The following CNTNAP2 variants were observed in gnomAD, a reference collection of about 807,000 sequenced individuals.
The protein encoded by CNTNAP2 is contactin-associated protein-like 2.
CNTNAP2 carries 98 observed loss-of-function variants against 155.2 expected under a neutral mutation model. The observed-to-expected ratio is 0.63, with a 90% CI of 0.54 to 0.75. The LOEUF is 0.75. Among genes scored for constraint, CNTNAP2 ranks in the 30% least tolerant of loss-of-function variants. The pLI is 0.00. For missense variants in CNTNAP2, 1,727 were observed against 1,688.1 expected, an observed-to-expected ratio of 1.02 and a Z score of -0.40; for synonymous variants, 651 against 631.2, an observed-to-expected ratio of 1.03 and a Z score of -0.47.
intron 9 of CNTNAP2, among the ~76,000 whole-genome samples, chr7:147,390,201 A>G (rs1439299512): frequency 6.6e-6 from 1 of 152,204 alleles, no homozygotes; most frequent in Non-Finnish European, 1.5e-5. Flanking sequence ...GACTAAGGGA[A>G]CTGTCAATAT....
At chr7:146,584,637 A>G (rs1378513624) in intron 1 of CNTNAP2, among the ~76,000 whole-genome samples, 1 of 152,124 alleles carries the variant, frequency 6.6e-6, no homozygotes, top group East Asian at 1.9e-4. Context: ...CATTATTTCC[A>G]TAAGCTCTCT....
chr7:148,187,147 C>CACACACACAA (rs1197880658), intron 18 of CNTNAP2, among the ~76,000 whole-genome samples: 1,084 of 67,184 alleles, frequency 0.016, 58 homozygotes, highest in Non-Finnish European at 0.024. Flanking sequence ...CACACACACA[C>CACACACACAA]AAACAGAGCC....
intron 9 of CNTNAP2, among the ~76,000 whole-genome samples, chr7:147,389,561 C>A (rs1796675290): frequency 6.6e-6 from 1 of 152,076 alleles, no homozygotes; most frequent in African/African-American, 2.4e-5. Flanking sequence ...TCTTTGTCAG[C>A]AAGAATAGCA....
intron 10 of CNTNAP2, among the ~76,000 whole-genome samples, chr7:147,456,461 T>C (rs955644778): frequency 1.3e-5 from 2 of 152,180 alleles, no homozygotes; most frequent in Non-Finnish European, 2.9e-5. Context: ...GAAGATATTA[T>C]GAAGGTGAGC....
chr7:147,907,140 T>G (rs965226885), intron 14 of CNTNAP2, among the ~76,000 whole-genome samples: 3 of 152,050 alleles, frequency 2.0e-5, no homozygotes, highest in Non-Finnish European at 4.4e-5. Context: ...CACTGCAAGC[T>G]CTGCCTCCCG....
At chr7:147,061,597 A>G (rs1799676101) in intron 4 of CNTNAP2, among the ~76,000 whole-genome samples, 1 of 152,168 alleles carries the variant, frequency 6.6e-6, no homozygotes. Context: ...CCCAGAGACT[A>G]GTTGTGATAC....
chr7:148,153,181 C>T (rs1805336613), intron 17 of CNTNAP2, among the ~76,000 whole-genome samples: 1 of 150,132 alleles, frequency 6.7e-6, no homozygotes, highest in Non-Finnish European at 1.5e-5. Context: ...GCTGTGTGAT[C>T]TTTGCAAAGG....
intron 3 of CNTNAP2, among the ~76,000 whole-genome samples, chr7:147,022,178 A>G (rs1798829069): frequency 6.6e-6 from 1 of 152,156 alleles, no homozygotes; most frequent in African/African-American, 2.4e-5. Flanking sequence ...ACAAAGTGAG[A>G]TAAAGCTTCC....
At chr7:148,256,485 C>T (rs897179360) in intron 20 of CNTNAP2, among the ~76,000 whole-genome samples, 2 of 152,170 alleles carry the variant, frequency 1.3e-5, no homozygotes, top group African/African-American at 4.8e-5. Flanking sequence ...GCCCCATTCT[C>T]ATCCCCCCAG....
In CNTNAP2 at chr7:147,495,940, C is replaced by T. The variant is rs969864944; in HGVS notation, c.1777+9899C>T. 7.9e-5 allele frequency among the ~76,000 whole-genome samples: 12 copies of T among 152,200 alleles called. 1 individual carries two copies. Among genetic ancestry groups the T allele is most frequent in the South Asian group, 2.1e-4 (1 of 4,826 alleles). On this transcript the variant is annotated intron_variant, in intron 11 of 23. Transcript: ENST00000361727. Reference sequence around the variant, plus strand: ...CTGAGCTCCACTTCCTGTCAGATCACGGGCAGCATCAGATTCTCAGAGGAG... The same window carrying T: ...CTGAGCTCCACTTCCTGTCAGATCATGGGCAGCATCAGATTCTCAGAGGAG...
intron 10 of CNTNAP2, among the ~76,000 whole-genome samples, chr7:147,429,165 T>C (rs1272421434): frequency 6.6e-6 from 1 of 151,924 alleles, no homozygotes; most frequent in African/African-American, 2.4e-5. Context: ...TATATATATA[T>C]ATATATACAC....
intron 14 of CNTNAP2, among the ~76,000 whole-genome samples, chr7:147,944,673 G>T (rs1414735235): frequency 6.6e-6 from 1 of 152,166 alleles, no homozygotes; most frequent in African/African-American, 2.4e-5. Context: ...TTTTAAATGT[G>T]CTTGGAATTT....
chr7:146,331,498 G>A (rs41484749), intron 1 of CNTNAP2, among the ~76,000 whole-genome samples: 3,064 of 152,132 alleles, frequency 0.02, 121 homozygotes, highest in African/African-American at 0.07. Context: ...GCAGATGAGG[G>A]ATTTATTACA....
chr7:147,758,414 C>G (rs757954155), intron 13 of CNTNAP2, among the ~76,000 whole-genome samples: 10 of 152,192 alleles, frequency 6.6e-5, no homozygotes, highest in Non-Finnish European at 1.3e-4. Flanking sequence ...CTCCCCTAAG[C>G]TCTGGTTTAG....
At chr7:147,366,287 A>AT (rs1321995459) in intron 9 of CNTNAP2, among the ~76,000 whole-genome samples, 1 of 151,882 alleles carries the variant, frequency 6.6e-6, no homozygotes, top group East Asian at 1.9e-4. Context: ...AGCCTTCTCC[A>AT]TTTTTTTCTT....
At chr7:146,782,790 A>G (rs756259879) in intron 2 of CNTNAP2, among the ~76,000 whole-genome samples, 2 of 152,118 alleles carry the variant, frequency 1.3e-5, no homozygotes, top group Non-Finnish European at 2.9e-5. Flanking sequence ...TGTTGCATTG[A>G]AATATTAGTC....
At chr7:147,810,938 A>G (rs1052038836) in intron 13 of CNTNAP2, among the ~76,000 whole-genome samples, 2 of 152,162 alleles carry the variant, frequency 1.3e-5, no homozygotes, top group African/African-American at 2.4e-5. Context: ...AGAATAAAAG[A>G]GTCAGACTAG....
At chr7:147,439,372 C>T (rs1236451696) in intron 10 of CNTNAP2, among the ~76,000 whole-genome samples, 1 of 151,740 alleles carries the variant, frequency 6.6e-6, no homozygotes, top group Admixed American at 6.6e-5. Context: ...ATTGTTTAAC[C>T]ATGCATTTGT....
chr7:146,665,303 G>T (rs1800171019), intron 1 of CNTNAP2, among the ~76,000 whole-genome samples: 2 of 152,072 alleles, frequency 1.3e-5, no homozygotes, highest in African/African-American at 4.8e-5. Context: ...CAGTAATCTG[G>T]ATAACGATTT....
Sources: allele counts gnomAD v4.1 joint callset (sites outside exome capture counted in the v4.1 genomes callset), GRCh38; gene constraint gnomAD v4.1.1; transcripts MANE v1.5; gene names NCBI Gene and HGNC (gene_info 2026-07-23, HGNC 2026-07-21).